Variants in COL6A1 observed in about 807,000 individuals in gnomAD.
The protein encoded by COL6A1 is collagen type VI alpha 1 chain, also known as collagen alpha-1(VI) chain.
Under a neutral mutation model 145.6 loss-of-function variants are expected in COL6A1, and 80 were observed. The observed-to-expected ratio is 0.55, with a 90% CI of 0.46 to 0.66. The LOEUF (loss-of-function observed/expected upper bound fraction) is 0.66, where lower values mean the gene tolerates loss of function less well. Ranked by LOEUF, COL6A1 falls within the 30% of genes least tolerant of loss-of-function variation. COL6A1 has a pLI of 0.00. For missense variants in COL6A1, 1,364 were observed against 1,473.8 expected (o/e 0.93, Z 1.22); for synonymous variants, 638 against 622.8 (o/e 1.02, Z -0.36).
Position 45,992,148 on chromosome 21 carries a change from C to T in COL6A1, c.1183-16C>T, listed in dbSNP as rs1300667163. On this transcript the variant is annotated splice_polypyrimidine_tract_variant and intron_variant, in intron 16 of 34. Transcript: ENST00000361866. ...TCAAGGAGATGGAGCGACCATTCAA[C>T]CCTTGTTCCCCACAGGGCCAGCCGG... The T allele has an allele frequency of 5.6e-6, 9 of 1,613,630 alleles. No individual in the cohort carries two copies. In the South Asian group the frequency reaches 8.8e-5, roughly 16 times the overall value.
At chr21:45,982,373 G>A (rs1047879221) in intron 1 of COL6A1, among the ~76,000 whole-genome samples, 2 of 151,054 alleles carry the variant, frequency 1.3e-5, no homozygotes, top group African/African-American at 4.9e-5. Context: ...GTCCGGTCCC[G>A]TGCCGGGGAC....
At chr21:45,992,434 C>T in intron 18 of COL6A1, 36 bp downstream of exon 18, 2 of 1,608,264 alleles carry the variant, frequency 1.2e-6, no homozygotes, top group South Asian at 1.1e-5. Context: ...CTGTTGGCCT[C>T]ACCATGTAGC....
chr21:46,002,359 G>A lies in COL6A1; in HGVS notation c.2208G>A (p.Arg736=), dbSNP rs770310209. Residue 736 remains arginine (R), a synonymous_variant, in exon 32 of 35, where the codon AGG becomes AGA. Transcript: ENST00000361866. ...VITDGRSDTQ[R]DTTPLNVLCS... ...CTGACGGGCGCTCAGACACTCAGAG[G>A]GACACCACACCGCTCAACGTGCTCT... 15 of 1,593,816 alleles carry A rather than the reference G, an allele frequency of 9.4e-6. No individual in the cohort carries two copies. Among genetic ancestry groups the A allele is most frequent in the Non-Finnish European group, 1.2e-5 (14 of 1,170,766 alleles).
At chr21:46,002,103 C>T (rs1343459940) in intron 31 of COL6A1, 33 bp downstream of exon 31, 1 of 1,592,410 alleles carries the variant, frequency 6.3e-7, no homozygotes, top group Admixed American at 1.8e-5. Flanking sequence ...ACCCTCCCAC[C>T]CCTCGCCCCG....
chr21:45,999,434 C>T, intron 26 of COL6A1: 1 of 737,560 alleles, frequency 1.4e-6, no homozygotes, highest in African/African-American at 1.7e-5. Context: ...CACAGCGGGT[C>T]CTCAGGGTGG....
At position 45,985,668 on chromosome 21, in the gene COL6A1, G is replaced by A. The variant is rs927775130; in HGVS notation, c.429-858G>A. 4.6e-5 allele frequency among the ~76,000 whole-genome samples: 7 copies of A among 152,342 alleles called. No individual in the cohort carries two copies. In the East Asian group the frequency reaches 1.4e-3, roughly 29 times the overall value. On this transcript the variant is annotated intron_variant, in intron 3 of 34. Coordinates refer to ENST00000361866, the MANE Select transcript of COL6A1 (RefSeq NM_001848.3). ...CTCCCCACACCCAGCCCTTCACGAGGCCTCAGGATCCCAGTGGGGGTACCC... is the reference window on the plus strand; with the variant it reads ...CTCCCCACACCCAGCCCTTCACGAGACCTCAGGATCCCAGTGGGGGTACCC...
Position 45,989,793 on chromosome 21 carries a change from A to T in COL6A1, c.930+15A>T, listed in dbSNP as rs2077763500. ...GTGGGGAGAAGGTGAGTGAGGCTCGACCTCGGAGCTGGTCTCTCCAGGCGC... is the reference window on the plus strand; with the variant it reads ...GTGGGGAGAAGGTGAGTGAGGCTCGTCCTCGGAGCTGGTCTCTCCAGGCGC... On this transcript the variant is annotated intron_variant, in intron 11 of 34. Transcript: ENST00000361866. 3 of 1,612,544 alleles carry T rather than the reference A, an allele frequency of 1.9e-6. No homozygotes were observed. Among genetic ancestry groups the T allele is most frequent in the Non-Finnish European group, 2.5e-6 (3 of 1,179,956 alleles).
chr21:45,989,052 C>G, intron 8 of COL6A1, 32 bp from the exon 9 acceptor site: 1 of 1,607,286 alleles, frequency 6.2e-7, no homozygotes, highest in Non-Finnish European at 8.5e-7. Flanking sequence ...AGAAACGGGG[C>G]TGCCCCAACC....
chr21:45,997,938 C>A lies in COL6A1; in HGVS notation c.1524+176C>A, dbSNP rs9976436. On this transcript the variant is annotated intron_variant, in intron 22 of 34. Transcript: ENST00000361866. ...GAGCCAGAGGCCGCCTCGGCAGGGC[C>A]CCTCCTGCCCCGAGATCCGGGTCCC... 8.7e-3 allele frequency among the ~76,000 whole-genome samples: 1,326 copies of A among 152,224 alleles called. 22 individuals carry two copies. The highest frequency in any genetic ancestry group is 0.03 in the African/African-American group (1,256 of 41,536).
At chr21:45,982,114 C>T (rs529329294) in intron 1 of COL6A1, among the ~76,000 whole-genome samples, 167 bp downstream of exon 1, 1 of 152,168 alleles carries the variant, frequency 6.6e-6, no homozygotes, top group Non-Finnish European at 1.5e-5. Flanking sequence ...TCTGCCCCAC[C>T]GGGCCTTGGC....
In COL6A1 at chr21:45,990,262, C is replaced by T; in HGVS notation, c.935C>T (p.Ser312Phe). 1.2e-6 allele frequency: 2 copies of T among 1,612,850 alleles called. No homozygotes were observed. Among genetic ancestry groups the T allele is most frequent in the Non-Finnish European group, 1.7e-6 (2 of 1,179,984 alleles). Residue 312 changes from serine (S) to phenylalanine (F), a missense_variant, in exon 12 of 35, where the codon TCC becomes TTC. This residue lies in a region of COL6A1 where 414 missense variants were observed against 437.6 expected (regional missense o/e 0.95). Transcript: ENST00000361866. ...GEKGSRGEKGSRGPKGYKGEK... is the reference protein window; with the variant it reads ...GEKGSRGEKGFRGPKGYKGEK... ...ACCCGCTTCCTGTCTCCGCAGGGCT[C>T]CAGGGGACCCAAGGGCTACAAGGTG... is the stretch of plus-strand genomic sequence containing the variant.
intron 13 of COL6A1, 27 bp from the exon 14 acceptor site, chr21:45,990,746 A>G (rs750194103): frequency 1.2e-6 from 2 of 1,611,404 alleles, no homozygotes; most frequent in Non-Finnish European, 1.7e-6. Flanking sequence ...TGGCCGTCAG[A>G]TTTTCTAGTT....
intron 24 of COL6A1, 30 bp downstream of exon 24, chr21:45,998,463 T>C: frequency 6.2e-7 from 1 of 1,613,112 alleles, no homozygotes; most frequent in South Asian, 1.1e-5. Context: ...CATCTGGCTG[T>C]GGGCACACAA....
Position 45,992,043 on chromosome 21 carries a change from C to A in COL6A1, c.1153C>A (p.Pro385Thr). 1.9e-6 allele frequency: 3 copies of A among 1,607,950 alleles called. No individual in the cohort carries two copies. The highest frequency in any genetic ancestry group is 2.5e-6 in the Non-Finnish European group (3 of 1,177,830). The change falls in exon 16 of 35, where the codon CCA becomes ACA. Residue 385 changes from proline to threonine, a missense_variant. Pro to Thr is a conservative substitution (Grantham distance 38). Coordinates refer to ENST00000361866, the MANE Select transcript of COL6A1 (RefSeq NM_001848.3). ...EPGADGEAGRPGSSGPSGDEG... is the reference protein window; with the variant it reads ...EPGADGEAGRTGSSGPSGDEG... ...TGGAGCTGACGGGGAGGCGGGGAGACCAGGGAGCTCGGGACCATCTGGAGA... is the reference window on the plus strand; with the variant it reads ...TGGAGCTGACGGGGAGGCGGGGAGAACAGGGAGCTCGGGACCATCTGGAGA...
At chr21:45,997,578 G>A (rs2077812966) in intron 21 of COL6A1, 95 bp downstream of exon 21, 3 of 1,539,856 alleles carry the variant, frequency 1.9e-6, no homozygotes, top group East Asian at 4.6e-5. Flanking sequence ...GCCCTCTGAG[G>A]ACTCTATGGC....
intron 27 of COL6A1, among the ~76,000 whole-genome samples, chr21:45,999,893 T>TGGGGGG (rs2077829295): frequency 2.3e-5 from 1 of 43,412 alleles, no homozygotes; most frequent in African/African-American, 9.4e-5. Context: ...GTGAGGACCA[T>TGGGGGG]AGAGGGGACA....
chr21:46,000,008 C>CAT (rs1569518949), intron 27 of COL6A1, among the ~76,000 whole-genome samples: 1 of 7,942 alleles, frequency 1.3e-4, no homozygotes, highest in African/African-American at 5.4e-4. Flanking sequence ...ATGGGGGACC[C>CAT]GTGAGGATCA....
rs2077740103 is a variant in COL6A1 at position 45,986,595 on chromosome 21, G to A, written c.498G>A (p.Lys166=). Reference sequence around the variant, plus strand: ...ACGGGCACCCCCTGGAGGGCTACAAGGAACCCTGTGGGGGGCTGGAGGATG... The same window carrying A: ...ACGGGCACCCCCTGGAGGGCTACAAAGAACCCTGTGGGGGGCTGGAGGATG... ...VTDGHPLEGY[K]EPCGGLEDAV... The change falls in exon 4 of 35, where the codon AAG becomes AAA. Residue 166 remains lysine (K), a synonymous_variant. Coordinates refer to ENST00000361866, the MANE Select transcript of COL6A1 (RefSeq NM_001848.3). The A allele has an allele frequency of 1.9e-6, 3 of 1,561,814 alleles. No homozygotes were observed. Among genetic ancestry groups the A allele is most frequent in the Non-Finnish European group, 2.6e-6 (3 of 1,153,190 alleles).
intron 6 of COL6A1, 31 bp from the exon 7 acceptor site, chr21:45,987,468 A>G (rs1475302380): frequency 1.9e-6 from 3 of 1,612,544 alleles, no homozygotes; most frequent in African/African-American, 2.7e-5. Flanking sequence ...TGGCTTTCCC[A>G]CTGACTCGTC....
Sources: gnomAD v4.1 joint callset for allele counts (sites outside exome capture counted in the v4.1 genomes callset) on GRCh38, gnomAD v4.1.1 for gene constraint, gnomAD v4.1.1 regional missense constraint, MANE v1.5 for transcripts, NCBI Gene and HGNC (gene_info 2026-07-23, HGNC 2026-07-21) for gene names.